PDZD8: variants seen among roughly 807,000 people sequenced by gnomAD.
PDZD8 encodes PDZ domain containing 8.
In PDZD8, 14 loss-of-function variants were observed where a neutral mutation model predicts 85.8. The ratio of observed to expected loss-of-function variants is 0.16; its 90% confidence interval spans 0.11 to 0.26. The LOEUF is 0.26. Ranked by LOEUF, PDZD8 falls within the 10% of genes least tolerant of loss-of-function variation. The pLI is 1.00. For missense variants in PDZD8, 1,197 were observed against 1,424.3 expected, an observed-to-expected ratio of 0.84 and a Z score of 2.57; for synonymous variants, 592 against 568.6, an observed-to-expected ratio of 1.04 and a Z score of -0.59.
chr10:117,282,732 C>G lies in PDZD8; in HGVS notation c.*536G>C, dbSNP rs1335122121. ...TTTGGCAAAAACAAAACAAAAAGCA[C>G]CCCCAAACCCCCAAAATAACAAAAA... is the stretch of plus-strand genomic sequence containing the variant. On this transcript the variant is annotated 3_prime_UTR_variant, in exon 5 of 5. Coordinates refer to ENST00000334464, the MANE Select transcript of PDZD8 (RefSeq NM_173791.5). 2 of 152,162 alleles carry G rather than the reference C, an allele frequency of 1.3e-5. No individual in the cohort carries two copies. The highest frequency in any genetic ancestry group is 2.9e-5 in the Non-Finnish European group (2 of 68,078). 9.4% of individuals were successfully genotyped at this position (152,162 alleles called of 1,614,324 possible).
At chr10:117,330,178 A>G (rs368283742) in intron 2 of PDZD8, among the ~76,000 whole-genome samples, 2 of 151,916 alleles carry the variant, frequency 1.3e-5, no homozygotes, top group East Asian at 3.9e-4. Context: ...CCTTTTATAC[A>G]TGCTCACCTC....
At position 117,291,923 on chromosome 10, in the gene PDZD8, C is replaced by T. The variant is rs191876812; in HGVS notation, c.1099-1575G>A. Among the ~76,000 whole-genome samples the T allele has an allele frequency of 6.2e-4, 94 of 151,526 alleles. 2 individuals are homozygous for T. The highest frequency in any genetic ancestry group is 1.8e-3 in the African/African-American group (74 of 41,366). On this transcript the variant is annotated intron_variant, in intron 3 of 4. Transcript: ENST00000334464. ...ACAAGGATTCAATTAGTGTTTATGG[C>T]GCTCAATTACAAATCAGTCTAATTG...
intron 2 of PDZD8, among the ~76,000 whole-genome samples, chr10:117,333,495 A>G (rs1477962443): frequency 6.6e-6 from 1 of 152,224 alleles, no homozygotes; most frequent in Non-Finnish European, 1.5e-5. Context: ...TACTCAGGAA[A>G]AAAGCAAATA....
At chr10:117,359,606 G>A (rs999247883) in intron 1 of PDZD8, among the ~76,000 whole-genome samples, 1 of 152,098 alleles carries the variant, frequency 6.6e-6, no homozygotes, top group South Asian at 2.1e-4. Flanking sequence ...AACTGCTCGA[G>A]AGGCTGAGGT....
At chr10:117,357,870 A>G (rs1589591106) in intron 1 of PDZD8, among the ~76,000 whole-genome samples, 1 of 147,368 alleles carries the variant, frequency 6.8e-6, no homozygotes, top group South Asian at 2.2e-4. Context: ...ACTTAATGAC[A>G]TTAGGTATTA....
intron 1 of PDZD8, among the ~76,000 whole-genome samples, chr10:117,362,319 C>T (rs1234261705): frequency 6.6e-6 from 1 of 152,076 alleles, no homozygotes; most frequent in African/African-American, 2.4e-5. Context: ...ATAATGCCAT[C>T]TTACATTTAC....
In PDZD8 at chr10:117,374,838, C is replaced by T. The variant is rs777609916; in HGVS notation, c.390G>A (p.Leu130=). The T allele has an allele frequency of 6.2e-7, 1 of 1,613,576 alleles. No homozygotes were observed. Among genetic ancestry groups the T allele is most frequent in the South Asian group, 1.1e-5 (1 of 91,084 alleles). The change falls in exon 1 of 5, where the codon CTG becomes CTA. Residue 130 remains leucine, a synonymous_variant. Coordinates refer to ENST00000334464, the MANE Select transcript of PDZD8 (RefSeq NM_173791.5). This position sits in a 1 kb window ranked among gnomAD's most constrained non-coding sequence, Gnocchi z 7.8. ...GGCGCCCGGCCGTCTTGGTCTGCAG[C>T]AGCTCCTCGAACTCCACCTTGATCT... ...TKKIKVEFEE[L]LQTKTAGRLL... is the part of the protein sequence containing the mutation.
rs926040613 is a variant in PDZD8, at chr10:117,279,919, A to T, written c.*3349T>A. On this transcript the variant is annotated 3_prime_UTR_variant, in exon 5 of 5. Coordinates refer to ENST00000334464, the MANE Select transcript of PDZD8 (RefSeq NM_173791.5). ...CCTTCTTTTGGTAAGAAAAGCAATT[A>T]TGTCAATTTAGAAGACAGTATTTTT... The T allele has an allele frequency of 6.6e-6, 1 of 152,226 alleles. No individual in the cohort carries two copies. Among genetic ancestry groups the T allele is most frequent in the Non-Finnish European group, 1.5e-5 (1 of 68,038 alleles). 9.4% of individuals were successfully genotyped at this position (152,226 alleles called of 1,614,324 possible).
intron 1 of PDZD8, among the ~76,000 whole-genome samples, chr10:117,350,268 CTT>C (rs55833923): frequency 0.23 from 31,875 of 137,140 alleles, 3,513 homozygotes; most frequent in Middle Eastern, 0.31. Context: ...TTGTTTGTTT[CTT>C]TTTTTTTTTT....
In PDZD8 at chr10:117,290,149, TGTAAAG is replaced by T. The variant is rs756638900; in HGVS notation, c.1261+31_1261+36del. ...CCTCACACCTACTTTGTAGTTTATC[TGTAAAG>T]GTAAAGTATAATGCATATTAGCATA... On this transcript the variant is annotated intron_variant, in intron 4 of 4. Transcript: ENST00000334464. 9 of 1,536,250 alleles carry T rather than the reference TGTAAAG, an allele frequency of 5.9e-6. No individual in the cohort carries two copies. The East Asian group carries it at 1.2e-4, about 20-fold the overall frequency.
At chr10:117,310,122 T>C (rs1844010764) in intron 3 of PDZD8, among the ~76,000 whole-genome samples, 1 of 152,198 alleles carries the variant, frequency 6.6e-6, no homozygotes, top group Non-Finnish European at 1.5e-5. Flanking sequence ...CAACTCACTC[T>C]ATCTCAAAGA....
At chr10:117,351,548 CT>C (rs1441465890) in intron 1 of PDZD8, among the ~76,000 whole-genome samples, 1 of 152,088 alleles carries the variant, frequency 6.6e-6, no homozygotes, top group Non-Finnish European at 1.5e-5. Context: ...TTCTTGGTTG[CT>C]GGTAACACTC....
At position 117,311,746 on chromosome 10, in the gene PDZD8, C is replaced by A. The variant is rs563999907; in HGVS notation, c.1098+7126G>T. ...GGATGGCTACTTGGTGACAGAAGAA[C>A]TGAGTACCAAACAGGAGACAGTGAG... On this transcript the variant is annotated intron_variant, in intron 3 of 4. Transcript: ENST00000334464. 3.9e-5 allele frequency among the ~76,000 whole-genome samples: 6 copies of A among 151,960 alleles called. No homozygotes were observed. The East Asian group carries it at 1.2e-3, about 30-fold the overall frequency.
intron 2 of PDZD8, among the ~76,000 whole-genome samples, chr10:117,333,117 C>CAAAAAAAAACAAAAAAAAAAAA (rs1554854831): frequency 1.4e-4 from 1 of 7,258 alleles, no homozygotes; most frequent in African/African-American, 2.4e-4. Flanking sequence ...GACTCTGTCT[C>CAAAAAAAAACAAAAAAAAAAAA]AAAAAAAAAA....
At chr10:117,307,619 A>G (rs1272999546) in intron 3 of PDZD8, among the ~76,000 whole-genome samples, 1 of 152,110 alleles carries the variant, frequency 6.6e-6, no homozygotes, top group African/African-American at 2.4e-5. Context: ...TATTGTTTAT[A>G]CACAAACAAT....
At chr10:117,287,960 T>C (rs1217849684) in intron 4 of PDZD8, among the ~76,000 whole-genome samples, 7 of 152,198 alleles carry the variant, frequency 4.6e-5, no homozygotes, top group African/African-American at 1.7e-4. Context: ...TGATCTACAG[T>C]AGGCAAAAAC....
chr10:117,291,545 T>C (rs1164435270), intron 3 of PDZD8, among the ~76,000 whole-genome samples: 2 of 142,070 alleles, frequency 1.4e-5, no homozygotes, highest in African/African-American at 5.2e-5. Context: ...AAAAAAAGAG[T>C]TATCATGTGG....
At position 117,284,916 on chromosome 10, in the gene PDZD8, G is replaced by C. The variant is rs750074538; in HGVS notation, c.1817C>G (p.Ala606Gly). The C allele has an allele frequency of 1.2e-6, 2 of 1,614,142 alleles. No individual in the cohort carries two copies. The highest frequency in any genetic ancestry group is 1.7e-6 in the Non-Finnish European group (2 of 1,180,020). Residue 606 changes from alanine (A) to glycine (G), a missense_variant, in exon 5 of 5, where the codon GCT (alanine) becomes GGT (glycine). Transcript: ENST00000334464. ...AACATCTGGTTCTGCCTGATTTGGAGCATCGGCGGAAGGCAAAGGAACTTT... is the reference window on the plus strand; with the variant it reads ...AACATCTGGTTCTGCCTGATTTGGACCATCGGCGGAAGGCAAAGGAACTTT... ...QAKVPLPSAD[A>G]PNQAEPDVLV...
intron 3 of PDZD8, among the ~76,000 whole-genome samples, chr10:117,310,994 A>G (rs1200355557): frequency 1.3e-5 from 2 of 152,208 alleles, no homozygotes; most frequent in Non-Finnish European, 2.9e-5. Context: ...ATTCAACAAT[A>G]CATGACAGAG....
Sources: gnomAD v4.1 joint callset for allele counts (sites outside exome capture counted in the v4.1 genomes callset) on GRCh38, gnomAD v4.1.1 for gene constraint, Gnocchi (gnomAD v3.1) non-coding constraint, MANE v1.5 for transcripts, NCBI Gene and HGNC (gene_info 2026-07-23, HGNC 2026-07-21) for gene names.